The following ANKRD26 variants were observed in gnomAD, a reference collection of about 807,000 sequenced individuals.
The protein encoded by ANKRD26 is ankyrin repeat domain 26.
ANKRD26 carries 141 observed loss-of-function variants against 208.7 expected under a neutral mutation model. The observed-to-expected ratio is 0.68, with a 90% CI of 0.59 to 0.78. The LOEUF (loss-of-function observed/expected upper bound fraction) is 0.78. Among genes scored for constraint, ANKRD26 ranks in the 30% least tolerant of loss-of-function variants. The pLI is 0.00. For synonymous variants in ANKRD26, 636 were observed against 660.4 expected (o/e 0.96, Z 0.57); for missense variants, 1,889 against 1,938.7 (o/e 0.97, Z 0.48).
At chr10:27,091,117 A>C (rs1229172379) in intron 4 of ANKRD26, among the ~76,000 whole-genome samples, 1 of 151,982 alleles carries the variant, frequency 6.6e-6, no homozygotes, top group Non-Finnish European at 1.5e-5. Context: ...AATAATAATA[A>C]AGGTAATAAT....
intron 33 of ANKRD26, 126 bp downstream of exon 33, chr10:27,006,791 A>G (rs2052900657): frequency 9.3e-6 from 7 of 751,168 alleles, no homozygotes; most frequent in Non-Finnish European, 1.6e-5. Context: ...AGATGTGTGT[A>G]AGAAAGAACA....
intron 9 of ANKRD26, among the ~76,000 whole-genome samples, chr10:27,076,311 G>T (rs1253779268): frequency 6.6e-6 from 1 of 150,504 alleles, no homozygotes; most frequent in Non-Finnish European, 1.5e-5. Context: ...CACCCAGGCT[G>T]AAGTGCAATG....
rs574091893 is a variant in ANKRD26, at chr10:27,039,411, G to A, written c.2375+554C>T. On this transcript the variant is annotated intron_variant, in intron 21 of 33. Coordinates refer to ENST00000376087, the MANE Select transcript of ANKRD26 (RefSeq NM_014915.3). Reference sequence around the variant, plus strand: ...GGAGGTTACAGTGAGCCAAGATTGCGCCACTGCACTCCAGCCTGGGCAACA... The same window carrying A: ...GGAGGTTACAGTGAGCCAAGATTGCACCACTGCACTCCAGCCTGGGCAACA... Among the ~76,000 whole-genome samples, 22 of 149,466 alleles carry A rather than the reference G, an allele frequency of 1.5e-4. No homozygotes were observed. In the East Asian group the frequency reaches 2.2e-3, roughly 15 times the overall value.
intron 9 of ANKRD26, among the ~76,000 whole-genome samples, chr10:27,071,541 T>TCC (rs2055498523): frequency 6.6e-6 from 1 of 152,030 alleles, no homozygotes; most frequent in Non-Finnish European, 1.5e-5. Flanking sequence ...TTTCCCAAGA[T>TCC]GACAGATGGG....
chr10:27,086,208 T>A (rs1172258919), intron 5 of ANKRD26, among the ~76,000 whole-genome samples: 1 of 152,138 alleles, frequency 6.6e-6, no homozygotes, highest in South Asian at 2.1e-4. Flanking sequence ...TTATAACAAG[T>A]CTAGTTCATT....
downstream of ANKRD26, among the ~76,000 whole-genome samples, chr10:26,999,972 G>C (rs1003271832): frequency 6.6e-6 from 1 of 152,112 alleles, no homozygotes; most frequent in African/African-American, 2.4e-5. Flanking sequence ...AGTCATTATA[G>C]AGAATTTGCA....
At chr10:27,072,028 T>C (rs887733731) in intron 9 of ANKRD26, among the ~76,000 whole-genome samples, 1 of 152,100 alleles carries the variant, frequency 6.6e-6, no homozygotes, top group Non-Finnish European at 1.5e-5. Context: ...AGCTGCCATA[T>C]CATCTTGAGT....
chr10:27,090,717 C>G (rs2056272786), intron 4 of ANKRD26, among the ~76,000 whole-genome samples: 2 of 152,174 alleles, frequency 1.3e-5, no homozygotes, highest in Non-Finnish European at 2.9e-5. Context: ...ATGAAGAATT[C>G]TCCATTTCTT....
intron 33 of ANKRD26, among the ~76,000 whole-genome samples, chr10:27,006,379 T>G (rs1404028980): frequency 6.6e-6 from 1 of 152,152 alleles, no homozygotes; most frequent in Admixed American, 6.5e-5. Flanking sequence ...ACCACATTGA[T>G]GTGGGTATTT....
intron 21 of ANKRD26, among the ~76,000 whole-genome samples, chr10:27,039,323 G>A (rs924060508): frequency 5.9e-5 from 9 of 152,124 alleles, no homozygotes; most frequent in Middle Eastern, 6.8e-3. Flanking sequence ...GCATGGTGGC[G>A]TGCGCCTGTA....
chr10:26,958,387 C>T, the ANKRD26 span, among the ~76,000 whole-genome samples: 9 of 152,008 alleles, frequency 5.9e-5, no homozygotes, highest in Admixed American at 3.9e-4. Flanking sequence ...TGTTCAGCCC[C>T]GATCACCCAG....
chr10:27,008,417 A>C (rs553048829), intron 32 of ANKRD26, among the ~76,000 whole-genome samples: 1 of 151,906 alleles, frequency 6.6e-6, no homozygotes, highest in Non-Finnish European at 1.5e-5. Flanking sequence ...AAATAAAAGG[A>C]GAAGTCTTTA....
intron 23 of ANKRD26, 114 bp downstream of exon 23, chr10:27,037,072 G>T (rs1430228893): frequency 9.1e-7 from 1 of 1,104,546 alleles, no homozygotes; most frequent in Non-Finnish European, 1.3e-6. Context: ...CACATATATG[G>T]TTTAAAAATC....
At chr10:26,971,038 A>G (rs2052134557), downstream of ANKRD26, among the ~76,000 whole-genome samples, 1 of 152,200 alleles carries the variant, frequency 6.6e-6, no homozygotes, top group African/African-American at 2.4e-5. Flanking sequence ...ATGTAAAGAA[A>G]TAGCATGTTG....
chr10:27,046,144 C>T (rs1051462494), intron 18 of ANKRD26: 24 of 548,600 alleles, frequency 4.4e-5, no homozygotes, highest in South Asian at 2.5e-4. Context: ...TCTCAAACGC[C>T]GTCTGTGCCC....
At chr10:27,061,316 T>C in intron 12 of ANKRD26, 74 bp from the exon 13 acceptor site, 2 of 932,792 alleles carry the variant, frequency 2.1e-6, no homozygotes, top group Non-Finnish European at 3.3e-6. Flanking sequence ...TGCCACAGAA[T>C]TAGATATTAA....
chr10:27,022,783 CAAAT>C lies in ANKRD26; in HGVS notation c.4086-100_4086-97del. Reference sequence around the variant, plus strand: ...ATTATGTTTTAGCATGTAAGAAAAACAAATGAATCATGATTCTCTCGTTTATTTC... The same window carrying C: ...ATTATGTTTTAGCATGTAAGAAAAACGAATCATGATTCTCTCGTTTATTTC... On this transcript the variant is annotated intron_variant, in intron 28 of 33. Transcript: ENST00000376087. The C allele has an allele frequency of 3.5e-6, 4 of 1,129,994 alleles. No homozygotes were observed. In the South Asian group the frequency reaches 4.2e-5, roughly 12 times the overall value. 70.0% of individuals were successfully genotyped at this position (1,129,994 alleles called of 1,614,324 possible).
At chr10:27,049,061 G>A in intron 16 of ANKRD26, 82 bp from the exon 17 acceptor site, 1 of 1,241,480 alleles carries the variant, frequency 8.1e-7, no homozygotes, top group East Asian at 2.5e-5. Context: ...TTTATCATTT[G>A]ACTCAGTTTA....
Position 27,088,789 on chromosome 10 carries a change from C to A in ANKRD26, c.639-2180G>T, listed in dbSNP as rs371933380. Among the ~76,000 whole-genome samples the A allele has an allele frequency of 1.0e-3, 159 of 152,280 alleles. 5 individuals are homozygous for A. In the South Asian group the frequency reaches 0.032, roughly 31 times the overall value. On this transcript the variant is annotated intron_variant, in intron 4 of 33. Transcript: ENST00000376087. The stretch of plus-strand genomic sequence containing the variant: ...ATCTCTTCCTGCAACATTATTTGAA[C>A]CTGACAGTTGAGAACAATCCCAACT...
Sources: gnomAD v4.1 joint callset for allele counts (sites outside exome capture counted in the v4.1 genomes callset) on GRCh38, gnomAD v4.1.1 for gene constraint, MANE v1.5 for transcripts, NCBI Gene and HGNC (gene_info 2026-07-23, HGNC 2026-07-21) for gene names.